RNF24: variants seen among roughly 807,000 people sequenced by gnomAD.
RNF24 encodes ring finger protein 24.
Under a neutral mutation model 20.0 loss-of-function variants are expected in RNF24, and 14 were observed. The ratio of observed to expected loss-of-function variants is 0.70; its 90% CI spans 0.46 to 1.10. RNF24 has a LOEUF of 1.10. Ranked by LOEUF, RNF24 falls within the 50% of genes least tolerant of loss-of-function variation. RNF24 has a pLI of 0.00. For missense variants in RNF24, 124 were observed against 177.6 expected, an observed-to-expected ratio of 0.70 and a Z score of 1.71; for synonymous variants, 45 against 61.1, an observed-to-expected ratio of 0.74 and a Z score of 1.23.
At chr20:3,994,953 G>T (rs1235165457) in intron 1 of RNF24, among the ~76,000 whole-genome samples, 1 of 152,208 alleles carries the variant, frequency 6.6e-6, no homozygotes, top group Non-Finnish European at 1.5e-5. Context: ...AATGAAAAAT[G>T]GAAGATTCTT....
chr20:4,014,412 C>T (rs1363174295), intron 1 of RNF24, among the ~76,000 whole-genome samples: 1 of 152,160 alleles, frequency 6.6e-6, no homozygotes, highest in African/African-American at 2.4e-5. Context: ...TGTTTATGAG[C>T]ATTCGGACAA....
At chr20:3,984,079 C>T (rs1025882766) in intron 1 of RNF24, among the ~76,000 whole-genome samples, 1 of 150,850 alleles carries the variant, frequency 6.6e-6, no homozygotes, top group African/African-American at 2.4e-5. Flanking sequence ...AGCAATATAG[C>T]AATACCCAGG....
chr20:3,994,088 G>A (rs539957101), intron 1 of RNF24, among the ~76,000 whole-genome samples: 140 of 152,252 alleles, frequency 9.2e-4, no homozygotes, highest in Admixed American at 2.8e-3. Context: ...CTGTGACAAA[G>A]AACTGTGTCT....
chr20:3,987,889 C>T (rs1267947771), intron 1 of RNF24, among the ~76,000 whole-genome samples: 1 of 151,964 alleles, frequency 6.6e-6, no homozygotes, highest in East Asian at 1.9e-4. Flanking sequence ...ATGAGAAAAA[C>T]ACAAGCAAGC....
At chr20:3,935,664 C>T (rs1220994640) in intron 4 of RNF24, among the ~76,000 whole-genome samples, 4 of 152,244 alleles carry the variant, frequency 2.6e-5, no homozygotes, top group Non-Finnish European at 5.9e-5. Context: ...GGGACCAGGA[C>T]TGCTCTCAGC....
chr20:3,993,048 A>C (rs1160113783), intron 1 of RNF24, among the ~76,000 whole-genome samples: 1 of 152,246 alleles, frequency 6.6e-6, no homozygotes, highest in Non-Finnish European at 1.5e-5. Flanking sequence ...CTGATGTATA[A>C]TCCCTGAAAC....
chr20:3,946,390 G>A (rs918216483), intron 3 of RNF24, among the ~76,000 whole-genome samples: 2 of 152,128 alleles, frequency 1.3e-5, no homozygotes, highest in Admixed American at 6.5e-5. Context: ...GGAGGCAGAG[G>A]TTGCAGTGAG....
chr20:3,991,485 C>G (rs1980437686), intron 1 of RNF24, among the ~76,000 whole-genome samples: 2 of 152,226 alleles, frequency 1.3e-5, no homozygotes. Flanking sequence ...ATCTCCTAAC[C>G]TCATGATCCG....
chr20:4,010,534 G>A (rs906981950), intron 1 of RNF24, among the ~76,000 whole-genome samples: 6 of 152,092 alleles, frequency 3.9e-5, no homozygotes, highest in Non-Finnish European at 7.4e-5. Context: ...ATTTAATCAT[G>A]AAGCTCAAGT....
intron 3 of RNF24, among the ~76,000 whole-genome samples, chr20:3,947,099 G>A (rs1260172925): frequency 1.3e-5 from 2 of 152,160 alleles, no homozygotes; most frequent in Non-Finnish European, 2.9e-5. Flanking sequence ...GGAGGCTGAG[G>A]CAGGAGATCA....
intron 2 of RNF24, among the ~76,000 whole-genome samples, chr20:3,953,308 C>T (rs535620320): frequency 4.0e-5 from 6 of 151,872 alleles, no homozygotes; most frequent in African/African-American, 9.7e-5. Context: ...CCCGCCACCA[C>T]GCCCGGCTAA....
intron 4 of RNF24, among the ~76,000 whole-genome samples, chr20:3,939,623 G>C (rs1197984171): frequency 1.3e-5 from 2 of 152,108 alleles, no homozygotes; most frequent in African/African-American, 2.4e-5. Context: ...TTTGAAATTG[G>C]AAAGTGTGAG....
chr20:3,989,807 T>C (rs550002104), intron 1 of RNF24, among the ~76,000 whole-genome samples: 19 of 152,308 alleles, frequency 1.2e-4, no homozygotes, highest in African/African-American at 4.1e-4. Context: ...TGGTGGCAAC[T>C]CCATTAGTTT....
intron 4 of RNF24, among the ~76,000 whole-genome samples, chr20:3,941,108 A>G (rs1400100772): frequency 6.6e-6 from 1 of 152,112 alleles, no homozygotes; most frequent in Admixed American, 6.6e-5. Flanking sequence ...GGCTCACTGT[A>G]GCGTCGACCT....
intron 1 of RNF24, among the ~76,000 whole-genome samples, chr20:3,973,451 CT>C (rs556168640): frequency 2.9e-5 from 4 of 136,872 alleles, no homozygotes; most frequent in Non-Finnish European, 4.6e-5. Context: ...AAAGCTGAGT[CT>C]TTTCTTTGAA....
rs530602162 is a variant in RNF24 at position 3,936,868 on chromosome 20, T to C, written c.229-1795A>G. Among the ~76,000 whole-genome samples, 162 of 152,258 alleles carry C rather than the reference T, an allele frequency of 1.1e-3. 1 individual carries two copies. The highest frequency in any genetic ancestry group is 3.6e-3 in the African/African-American group (148 of 41,558). On this transcript the variant is annotated intron_variant, in intron 4 of 5. Transcript: ENST00000358395. ...TTTTTTTCTTTTTGAGATGGAGTCT[T>C]GCTCTGTCGCCAGGCTGGAGTGCAG...
At chr20:3,938,872 C>A (rs2090922175) in intron 4 of RNF24, among the ~76,000 whole-genome samples, 1 of 152,122 alleles carries the variant, frequency 6.6e-6, no homozygotes, top group Admixed American at 6.6e-5. Flanking sequence ...CTCAACCTCC[C>A]AAATAGCTGG....
chr20:3,998,366 C>T (rs756138679), intron 1 of RNF24, among the ~76,000 whole-genome samples: 7 of 151,278 alleles, frequency 4.6e-5, no homozygotes, highest in Non-Finnish European at 1.0e-4. Flanking sequence ...CCTGAGGTCA[C>T]GAGTTTGAGA....
At chr20:3,973,772 A>C (rs1978607867) in intron 1 of RNF24, among the ~76,000 whole-genome samples, 1 of 152,170 alleles carries the variant, frequency 6.6e-6, no homozygotes, top group African/African-American at 2.4e-5. Flanking sequence ...CAAAAAAGAA[A>C]GCTCCAGGCC....
Sources: gnomAD v4.1 joint callset for allele counts (sites outside exome capture counted in the v4.1 genomes callset) on GRCh38, gnomAD v4.1.1 for gene constraint, MANE v1.5 for transcripts, NCBI Gene and HGNC (gene_info 2026-07-23, HGNC 2026-07-21) for gene names.